C12orf76: variants seen among roughly 807,000 people sequenced by gnomAD.
C12orf76 encodes uncharacterized protein C12orf76.
C12orf76 carries 6 observed loss-of-function variants against 6.8 expected under a neutral mutation model. The ratio of observed to expected loss-of-function variants is 0.88; its 90% confidence interval spans 0.48 to 1.73. C12orf76 has a LOEUF of 1.73. Ranked by LOEUF, C12orf76 falls within the 40% of genes most tolerant of loss-of-function variation. The pLI is 0.01. For missense variants in C12orf76, 99 were observed against 98.2 expected, an observed-to-expected ratio of 1.01 and a Z score of -0.03; for synonymous variants, 56 against 43.7, an observed-to-expected ratio of 1.28 and a Z score of -1.11.
upstream of C12orf76, chr12:110,048,688 T>G: frequency 8.0e-7 from 1 of 1,247,094 alleles, no homozygotes; most frequent in Non-Finnish European, 1.0e-6. Flanking sequence ...AACTAATGTT[T>G]CCCCCGGACC....
chr12:110,068,256 G>GA (rs1555253378), upstream of C12orf76, among the ~76,000 whole-genome samples: 6 of 65,736 alleles, frequency 9.1e-5, no homozygotes, highest in African/African-American at 3.8e-4. Flanking sequence ...GAAAGAAGAA[G>GA]AAGAAGAAGA....
chr12:110,066,038 G>C, intron 1 of C12orf76: 3 of 1,565,652 alleles, frequency 1.9e-6, no homozygotes, highest in Non-Finnish European at 2.6e-6. Context: ...CATCACCTAG[G>C]TGTCAAGGGT....
chr12:110,042,172 CA>C lies in C12orf76; in HGVS notation c.*201del. On this transcript the variant is annotated 3_prime_UTR_variant, in exon 2 of 2. Transcript: ENST00000615315. ...AGTCAGAAACACTGAGAAGCGGACT[CA>C]GGGGCCAATTATTTGCGCTACAGTG... The C allele has an allele frequency of 1.7e-6, 1 of 583,586 alleles. No individual in the cohort carries two copies. 36.2% of individuals were successfully genotyped at this position (583,586 alleles called of 1,614,324 possible).
intron 1 of C12orf76, among the ~76,000 whole-genome samples, chr12:110,046,922 C>T (rs1892464936): frequency 6.6e-6 from 1 of 152,080 alleles, no homozygotes; most frequent in Non-Finnish European, 1.5e-5. Flanking sequence ...CTGCCCCTCG[C>T]CCCCTGAAAT....
chr12:110,070,456 C>T (rs189131157), upstream of C12orf76, among the ~76,000 whole-genome samples: 2 of 152,116 alleles, frequency 1.3e-5, no homozygotes, highest in African/African-American at 2.4e-5. Context: ...GTCCCAGCTA[C>T]TTGGGAGGAT....
chr12:110,073,583 T>G (rs1892987418), exon 1 of C12orf76: 1 of 482,658 alleles, frequency 2.1e-6, no homozygotes, highest in African/African-American at 2.0e-5. Flanking sequence ...GGACCAGGGC[T>G]CAACTCTCCC....
At chr12:110,060,766 T>C (rs781622994) in intron 2 of C12orf76, among the ~76,000 whole-genome samples, 25 of 152,168 alleles carry the variant, frequency 1.6e-4, no homozygotes, top group African/African-American at 6.0e-4. Context: ...CCAGGCGCAG[T>C]GGTTCATGCC....
intron 2 of C12orf76, among the ~76,000 whole-genome samples, chr12:110,064,283 G>A (rs912399269): frequency 6.6e-6 from 1 of 152,204 alleles, no homozygotes; most frequent in African/African-American, 2.4e-5. Context: ...TTTTTGGAAA[G>A]CTTGGGTCTC....
upstream of C12orf76, among the ~76,000 whole-genome samples, chr12:110,070,273 G>T (rs1268584542): frequency 7.0e-6 from 1 of 142,924 alleles, no homozygotes; most frequent in East Asian, 2.1e-4. Flanking sequence ...GAAAAGAAAA[G>T]AAATTGTAGG....
intron 1 of C12orf76, among the ~76,000 whole-genome samples, chr12:110,066,398 A>C (rs1198423242): frequency 1.0e-4 from 15 of 143,148 alleles, no homozygotes; most frequent in East Asian, 4.0e-4. Context: ...AAAAAAAAAA[A>C]AAAAAACGGC....
chr12:110,049,001 C>G (rs1892526653), upstream of C12orf76: 1 of 152,454 alleles, frequency 6.6e-6, no homozygotes, highest in Non-Finnish European at 1.5e-5. Context: ...TCGTTCTCTT[C>G]CATTCCCCCC....
At chr12:110,042,745 C>T in intron 1 of C12orf76, 1 of 617,920 alleles carries the variant, frequency 1.6e-6, no homozygotes, top group Non-Finnish European at 2.9e-6. Context: ...AGTCAGGAAG[C>T]ATCCGAGGAG....
chr12:110,072,597 G>T (rs1892972306), upstream of C12orf76, among the ~76,000 whole-genome samples: 2 of 151,906 alleles, frequency 1.3e-5, no homozygotes, highest in Non-Finnish European at 2.9e-5. Flanking sequence ...CCCTTAAATG[G>T]TGAATTGCAT....
At chr12:110,056,861 C>G (rs2080014283) in intron 4 of C12orf76, 1 of 237,062 alleles carries the variant, frequency 4.2e-6, no homozygotes, top group Non-Finnish European at 8.3e-6. Flanking sequence ...TTTCACTTTC[C>G]ACCATGATTG....
chr12:110,043,260 T>C (rs1000153304), intron 1 of C12orf76, among the ~76,000 whole-genome samples: 4 of 151,502 alleles, frequency 2.6e-5, no homozygotes, highest in African/African-American at 9.7e-5. Flanking sequence ...AAAGGAAGGC[T>C]GGGGCTGGTC....
At chr12:110,066,148 G>C in intron 1 of C12orf76, 1 of 1,310,010 alleles carries the variant, frequency 7.6e-7, no homozygotes, top group Non-Finnish European at 9.8e-7. Flanking sequence ...GAGGCAGGCG[G>C]ATCACTTGAG....
chr12:110,045,169 C>T (rs1892417478), intron 1 of C12orf76, among the ~76,000 whole-genome samples: 1 of 152,148 alleles, frequency 6.6e-6, no homozygotes, highest in Admixed American at 6.6e-5. Flanking sequence ...TAACTGAATA[C>T]CTGCCCTAAT....
chr12:110,062,698 C>T (rs2137235157), intron 2 of C12orf76, among the ~76,000 whole-genome samples: 2 of 150,534 alleles, frequency 1.3e-5, no homozygotes, highest in South Asian at 4.2e-4. Context: ...CGACTCACTG[C>T]AGCCTCAACT....
At chr12:110,058,236 T>C (rs2137230953) in intron 3 of C12orf76, among the ~76,000 whole-genome samples, 1 of 152,344 alleles carries the variant, frequency 6.6e-6, no homozygotes, top group Admixed American at 6.5e-5. Context: ...GGCTGTTTTG[T>C]AACTTGCTAT....
Sources: allele counts gnomAD v4.1 joint callset (sites outside exome capture counted in the v4.1 genomes callset), GRCh38; gene constraint gnomAD v4.1.1; transcripts MANE v1.5; gene names NCBI Gene and HGNC (gene_info 2026-07-23, HGNC 2026-07-21).